AGO4: variants seen among roughly 807,000 people sequenced by gnomAD.
The protein encoded by AGO4 is argonaute RISC component 4.
In AGO4, 33 loss-of-function variants were observed where a neutral mutation model predicts 104.7. That is an observed-to-expected ratio of 0.32 (90% CI 0.24 to 0.42). AGO4 has a LOEUF of 0.42. AGO4 is among the 10% of genes least tolerant of loss of function. AGO4 has a pLI of 1.00. For synonymous variants in AGO4, 331 were observed against 364.7 expected (o/e 0.91, Z 1.05); for missense variants, 711 against 1,083.4 (o/e 0.66, Z 4.83).
intron 1 of AGO4, among the ~76,000 whole-genome samples, chr1:35,814,315 A>T (rs1025277336): frequency 2.0e-5 from 3 of 151,992 alleles, no homozygotes; most frequent in South Asian, 2.1e-4. Flanking sequence ...TCTTTTTTTT[A>T]AATTTTTTTT....
At chr1:35,829,037 A>G (rs1467423663) in intron 7 of AGO4, among the ~76,000 whole-genome samples, 1 of 148,414 alleles carries the variant, frequency 6.7e-6, no homozygotes, top group East Asian at 1.9e-4. Flanking sequence ...CCCCCCACAC[A>G]CACACCTTTT....
In AGO4 at chr1:35,855,503, T is replaced by C. The variant is rs1644798147; in HGVS notation, c.*1898T>C. ...TTGCTGAGACTGGTCTCTGAGAGAG[T>C]TTTATGTCGATCGAGGCCTGTTGCT... is the stretch of plus-strand genomic sequence containing the variant. On this transcript the variant is annotated 3_prime_UTR_variant, in exon 18 of 18. Transcript: ENST00000373210. The C allele has an allele frequency of 6.6e-6, 1 of 152,300 alleles. No homozygotes were observed. The highest frequency in any genetic ancestry group is 1.5e-5 in the Non-Finnish European group (1 of 67,960). The allele number at this position is 152,300 out of a possible 1,614,324, so 9.4% of individuals were successfully genotyped here.
chr1:35,852,520 G>C (rs1644726642), intron 17 of AGO4, among the ~76,000 whole-genome samples: 1 of 152,162 alleles, frequency 6.6e-6, no homozygotes, highest in Non-Finnish European at 1.5e-5. Flanking sequence ...TGGCACAATA[G>C]CATTTGCTGG....
chr1:35,850,162 GAAA>G lies in AGO4; in HGVS notation c.2183_2185del (p.Lys728del). 6.4e-7 allele frequency: 1 copy of G among 1,572,154 alleles called. No individual in the cohort carries two copies. The highest frequency in any genetic ancestry group is 8.6e-7 in the Non-Finnish European group (1 of 1,160,590). ...CTTTTTTTTGTTTTTTGTAGGTAGGGAAAAGTGGCAATGTACCAGCAGGCACTA... is the reference window on the plus strand; with the variant it reads ...CTTTTTTTTGTTTTTTGTAGGTAGGGAGTGGCAATGTACCAGCAGGCACTA... On this transcript the variant is annotated inframe_deletion, in exon 16 of 18. Transcript: ENST00000373210.
chr1:35,846,704 C>G lies in AGO4; in HGVS notation c.2176-3453C>G, dbSNP rs561752642. ...GACTCAAGTGGTCCTCCCACCTCAG[C>G]CTCCCAAAGTGTTGGCATTACAGGC... is the stretch of plus-strand genomic sequence containing the variant. On this transcript the variant is annotated intron_variant, in intron 15 of 17. Transcript: ENST00000373210. Among the ~76,000 whole-genome samples, 4 of 151,930 alleles carry G rather than the reference C, an allele frequency of 2.6e-5. No individual in the cohort carries two copies. The South Asian group carries it at 8.3e-4, about 32-fold the overall frequency.
At position 35,841,308 on chromosome 1, in the gene AGO4, T is replaced by C; in HGVS notation, c.1868T>C (p.Val623Ala). Residue 623 changes from valine to alanine, a missense_variant, in exon 14 of 18, where the codon GTG becomes GCG. Transcript: ENST00000373210. The surrounding 1 kb of genome is among the most constrained non-coding windows in gnomAD (Gnocchi z 4.7). ...AGCCGGTACTGTGCCACCGTTCGGGTGCAGACTTCCCGGCAGGAGATCTCC... is the reference window on the plus strand; with the variant it reads ...AGCCGGTACTGTGCCACCGTTCGGGCGCAGACTTCCCGGCAGGAGATCTCC... ...HPSRYCATVR[V>A]QTSRQEISQE... 1 of 1,614,164 alleles carries C rather than the reference T, an allele frequency of 6.2e-7. No individual in the cohort carries two copies. The highest frequency in any genetic ancestry group is 8.5e-7 in the Non-Finnish European group (1 of 1,180,044).
intron 16 of AGO4, among the ~76,000 whole-genome samples, chr1:35,850,545 C>T (rs961602110): frequency 2.6e-5 from 4 of 151,694 alleles, no homozygotes; most frequent in African/African-American, 7.3e-5. Flanking sequence ...TTTGGGAGGC[C>T]GAAATGGGCA....
intron 15 of AGO4, among the ~76,000 whole-genome samples, chr1:35,847,085 G>T (rs1323691849): frequency 2.0e-5 from 3 of 150,038 alleles, no homozygotes; most frequent in Admixed American, 1.3e-4. Context: ...TAAAACAGGG[G>T]TGTCCAATCT....
chr1:35,815,097 CA>C (rs1643650041), intron 1 of AGO4, among the ~76,000 whole-genome samples: 1 of 152,196 alleles, frequency 6.6e-6, no homozygotes. Flanking sequence ...AGGCTGGTCT[CA>C]AACTGCTGAC....
intron 8 of AGO4, 21 bp downstream of exon 8, chr1:35,831,595 C>A: frequency 1.2e-6 from 2 of 1,606,680 alleles, no homozygotes; most frequent in Non-Finnish European, 1.7e-6. Flanking sequence ...TTTTCTTTTG[C>A]CAATTTGCTG....
chr1:35,853,407 A>T, intron 17 of AGO4, 90 bp from the exon 18 acceptor site: 1 of 1,075,548 alleles, frequency 9.3e-7, no homozygotes, highest in Non-Finnish European at 1.4e-6. Flanking sequence ...GTCTTCTGTT[A>T]CACCTGTTTT....
intron 12 of AGO4, among the ~76,000 whole-genome samples, chr1:35,835,542 G>C (rs1250410725): frequency 6.6e-6 from 1 of 152,172 alleles, no homozygotes; most frequent in Non-Finnish European, 1.5e-5. Flanking sequence ...TGTGGGAAGA[G>C]GAGCATCAAG....
In AGO4 at chr1:35,836,060, A is replaced by G. The variant is rs548212430; in HGVS notation, c.1724+67A>G. The G allele has an allele frequency of 3.9e-5, 60 of 1,527,422 alleles. No homozygotes were observed. In the South Asian group the frequency reaches 7.2e-4, roughly 18 times the overall value. The allele number at this position is 1,527,422 out of a possible 1,614,324, so 94.6% of individuals were successfully genotyped here. A position where few individuals can be genotyped will look rare whatever the true frequency, so the allele number is the denominator to read the frequency against. ...ACTTACATAATTTATGGGAAAGCACACAAATATTATATATGCATCTAGATT... is the reference window on the plus strand; with the variant it reads ...ACTTACATAATTTATGGGAAAGCACGCAAATATTATATATGCATCTAGATT... On this transcript the variant is annotated intron_variant, in intron 13 of 17. Coordinates refer to ENST00000373210, the MANE Select transcript of AGO4 (RefSeq NM_017629.4).
intron 10 of AGO4, 87 bp from the exon 11 acceptor site, chr1:35,832,350 A>C: frequency 6.7e-7 from 1 of 1,494,280 alleles, no homozygotes; most frequent in Non-Finnish European, 8.9e-7. Context: ...TTCACTAGTC[A>C]ATAGTAAAAT....
chr1:35,813,118 A>G (rs1643562538), intron 1 of AGO4, among the ~76,000 whole-genome samples: 1 of 152,164 alleles, frequency 6.6e-6, no homozygotes, highest in African/African-American at 2.4e-5. Context: ...CAATAAGAAT[A>G]CTTTTAGTGG....
At chr1:35,852,805 C>T (rs1644733023) in intron 17 of AGO4, among the ~76,000 whole-genome samples, 2 of 152,076 alleles carry the variant, frequency 1.3e-5, no homozygotes, top group African/African-American at 4.8e-5. Flanking sequence ...ACCTTAAAGT[C>T]AAAGAAGATT....
chr1:35,808,671 C>T lies in AGO4; in HGVS notation c.19+236C>T, dbSNP rs568625092. Among the ~76,000 whole-genome samples the T allele has an allele frequency of 4.6e-5, 7 of 152,234 alleles. No individual in the cohort carries two copies. The highest frequency in any genetic ancestry group is 1.7e-4 in the African/African-American group (7 of 41,554). ...CCAGGGGGGAGGTTCGGGAAGGTGA[C>T]CGGCGCTGCCGGGCGGAGGCCACTC... On this transcript the variant is annotated intron_variant, in intron 1 of 17. Coordinates refer to ENST00000373210, the MANE Select transcript of AGO4 (RefSeq NM_017629.4). The surrounding 1 kb of genome is among the most constrained non-coding windows in gnomAD (Gnocchi z 5.2).
rs764604125 is a variant in AGO4, at chr1:35,832,224, C to A, written c.1245+39C>A. 5 of 1,598,744 alleles carry A rather than the reference C, an allele frequency of 3.1e-6. No individual in the cohort carries two copies. The East Asian group carries it at 8.9e-5, about 29-fold the overall frequency. On this transcript the variant is annotated intron_variant, in intron 10 of 17. Transcript: ENST00000373210. ...TTTATTCAGCAAGCTTCTTCCACAACCAGTCAAAAAGAGAATAATCCAGGG... is the reference window on the plus strand; with the variant it reads ...TTTATTCAGCAAGCTTCTTCCACAAACAGTCAAAAAGAGAATAATCCAGGG...
intron 2 of AGO4, among the ~76,000 whole-genome samples, chr1:35,818,697 G>C (rs1025970207): frequency 6.6e-6 from 1 of 150,822 alleles, no homozygotes; most frequent in Middle Eastern, 3.2e-3. Context: ...AAGGAAGGAA[G>C]GAAGGAAAGA....
Sources: allele counts gnomAD v4.1 joint callset (sites outside exome capture counted in the v4.1 genomes callset), GRCh38; gene constraint gnomAD v4.1.1; non-coding constraint Gnocchi (gnomAD v3.1); transcripts MANE v1.5; gene names NCBI Gene and HGNC (gene_info 2026-07-23, HGNC 2026-07-21).